Variants in CNTNAP2 observed in about 807,000 individuals in gnomAD.
The protein encoded by CNTNAP2 is contactin associated protein 2.
A neutral mutation model predicts 155.2 loss-of-function variants in CNTNAP2; 98 were observed. The observed-to-expected ratio is 0.63, with a 90% confidence interval of 0.54 to 0.75. The LOEUF is 0.75. Ranked by LOEUF, CNTNAP2 falls within the 30% of genes least tolerant of loss-of-function variation. The pLI is 0.00. For missense variants in CNTNAP2, 1,727 were observed against 1,688.1 expected (o/e 1.02, Z -0.40); for synonymous variants, 651 against 631.2 (o/e 1.03, Z -0.47).
chr7:146,390,408 A>G (rs929811782), intron 1 of CNTNAP2, among the ~76,000 whole-genome samples: 1 of 152,050 alleles, frequency 6.6e-6, no homozygotes, highest in Non-Finnish European at 1.5e-5. Context: ...CCCATTGACG[A>G]CTGCAAAGTG....
chr7:146,143,413 C>T (rs1478836445), intron 1 of CNTNAP2, among the ~76,000 whole-genome samples: 1 of 152,036 alleles, frequency 6.6e-6, no homozygotes, highest in Non-Finnish European at 1.5e-5. Flanking sequence ...AGGACAAAAA[C>T]CTCATTTCTA....
intron 1 of CNTNAP2, among the ~76,000 whole-genome samples, chr7:146,361,082 G>A (rs1795075603): frequency 6.6e-6 from 1 of 152,152 alleles, no homozygotes; most frequent in Admixed American, 6.5e-5. Flanking sequence ...GGTTTTGAAA[G>A]CAAGAGAAAA....
intron 3 of CNTNAP2, among the ~76,000 whole-genome samples, chr7:146,954,447 T>A (rs1349800454): frequency 6.6e-6 from 1 of 151,892 alleles, no homozygotes; most frequent in South Asian, 2.1e-4. Context: ...TGAACTATAA[T>A]GTGGAAAGAA....
chr7:146,352,231 TATTTA>T (rs1794925627), intron 1 of CNTNAP2, among the ~76,000 whole-genome samples: 1 of 152,232 alleles, frequency 6.6e-6, no homozygotes, highest in Non-Finnish European at 1.5e-5. Flanking sequence ...CATTTTATTA[TATTTA>T]AAATTTTTGT....
intron 21 of CNTNAP2, among the ~76,000 whole-genome samples, chr7:148,333,543 A>G (rs1172213391): frequency 6.6e-6 from 1 of 152,122 alleles, no homozygotes; most frequent in Non-Finnish European, 1.5e-5. Context: ...GCATGAGGTA[A>G]CCTCATGCCA....
chr7:147,658,346 CCACAGA>C (rs1033341529), intron 13 of CNTNAP2, among the ~76,000 whole-genome samples: 1 of 152,010 alleles, frequency 6.6e-6, no homozygotes, highest in African/African-American at 2.4e-5. Context: ...CTTGACTTAT[CCACAGA>C]CTCTAGTTCA....
intron 15 of CNTNAP2, among the ~76,000 whole-genome samples, chr7:148,050,903 G>A (rs762062617): frequency 6.6e-6 from 1 of 152,136 alleles, no homozygotes; most frequent in African/African-American, 2.4e-5. Flanking sequence ...TGGGAGCAAC[G>A]GGCCATAGCA....
At chr7:147,967,360 G>A (rs1406901745) in intron 14 of CNTNAP2, among the ~76,000 whole-genome samples, 1 of 152,164 alleles carries the variant, frequency 6.6e-6, no homozygotes, top group Non-Finnish European at 1.5e-5. Flanking sequence ...AAACTCTAGA[G>A]TATCGGAGAT....
intron 2 of CNTNAP2, among the ~76,000 whole-genome samples, chr7:146,817,592 T>C (rs1018849754): frequency 6.6e-6 from 1 of 152,066 alleles, no homozygotes; most frequent in Non-Finnish European, 1.5e-5. Context: ...CCAAAGAGGC[T>C]TCAGGACACT....
At chr7:146,642,512 T>C (rs1305589244) in intron 1 of CNTNAP2, among the ~76,000 whole-genome samples, 1 of 151,916 alleles carries the variant, frequency 6.6e-6, no homozygotes, top group African/African-American at 2.4e-5. Flanking sequence ...GGCTGCATGG[T>C]ATTCCATGGT....
chr7:147,554,528 A>G (rs1343136922), intron 11 of CNTNAP2, among the ~76,000 whole-genome samples: 4 of 149,002 alleles, frequency 2.7e-5, no homozygotes, highest in African/African-American at 9.9e-5. Flanking sequence ...AAACTTTTTG[A>G]AGGACTTATC....
intron 11 of CNTNAP2, among the ~76,000 whole-genome samples, chr7:147,502,042 C>A (rs529553964): frequency 6.6e-6 from 1 of 152,152 alleles, no homozygotes; most frequent in South Asian, 2.1e-4. Context: ...TACATTGATA[C>A]CATGAACATG....
chr7:147,648,991 A>C (rs1039528834), intron 13 of CNTNAP2, among the ~76,000 whole-genome samples: 7 of 152,192 alleles, frequency 4.6e-5, no homozygotes, highest in African/African-American at 9.6e-5. Flanking sequence ...ACTATGAAAG[A>C]ACGTTTTCCC....
intron 16 of CNTNAP2, among the ~76,000 whole-genome samples, chr7:148,138,570 A>T (rs185521822): frequency 4.8e-4 from 73 of 152,270 alleles, no homozygotes; most frequent in Non-Finnish European, 8.8e-5. Flanking sequence ...CGGAAGAAAC[A>T]CTTCTTTGAA....
chr7:148,238,242 A>G (rs1053144366), intron 20 of CNTNAP2, among the ~76,000 whole-genome samples: 2 of 152,128 alleles, frequency 1.3e-5, no homozygotes, highest in African/African-American at 4.8e-5. Context: ...CCAGCTACTC[A>G]GGGGGCTGAG....
intron 1 of CNTNAP2, among the ~76,000 whole-genome samples, chr7:146,579,765 TA>T (rs1461838767): frequency 1.3e-5 from 2 of 152,078 alleles, no homozygotes; most frequent in African/African-American, 4.8e-5. Context: ...CGACATTGAG[TA>T]GAAAATAAGA....
chr7:146,848,247 C>T (rs947792342), intron 3 of CNTNAP2, among the ~76,000 whole-genome samples: 4 of 151,996 alleles, frequency 2.6e-5, no homozygotes, highest in East Asian at 1.9e-4. Context: ...AGAACTCTCA[C>T]GAGAAAGAGG....
intron 1 of CNTNAP2, among the ~76,000 whole-genome samples, chr7:146,617,878 T>C (rs926240021): frequency 8.5e-5 from 13 of 152,254 alleles, no homozygotes; most frequent in African/African-American, 3.1e-4. Flanking sequence ...GATAAAATAC[T>C]CAAAAAATGG....
intron 1 of CNTNAP2, among the ~76,000 whole-genome samples, chr7:146,414,548 C>CTACT (rs760637676): frequency 1.3e-5 from 2 of 152,138 alleles, no homozygotes; most frequent in Non-Finnish European, 2.9e-5. Flanking sequence ...TGGCAGCTGC[C>CTACT]TACTGTGTTA....
Sources: allele counts gnomAD v4.1 joint callset (sites outside exome capture counted in the v4.1 genomes callset), GRCh38; gene constraint gnomAD v4.1.1; transcripts MANE v1.5; gene names NCBI Gene and HGNC (gene_info 2026-07-23, HGNC 2026-07-21).